PHYKPL: variants seen among roughly 807,000 people sequenced by gnomAD.
The protein encoded by PHYKPL is 5-phosphohydroxy-L-lysine phospho-lyase, also known as 5-phosphonooxy-L-lysine phospho-lyase.
In PHYKPL, 42 loss-of-function variants were observed where a neutral mutation model predicts 51.3. The observed-to-expected ratio is 0.82, with a 90% CI of 0.64 to 1.06. PHYKPL has a LOEUF of 1.06. Among genes scored for constraint, PHYKPL ranks in the 50% least tolerant of loss-of-function variants. The pLI is 0.00. For synonymous variants in PHYKPL, 264 were observed against 236.0 expected (o/e 1.12, Z -1.09); for missense variants, 655 against 586.6 (o/e 1.12, Z -1.20).
At chr5:178,209,379 A>G in intron 12 of PHYKPL, 2 of 1,614,192 alleles carry the variant, frequency 1.2e-6, no homozygotes, top group Non-Finnish European at 1.7e-6. Context: ...CAGCAGCAGT[A>G]TGGCTCTGGG....
rs1001605090 is a variant in PHYKPL at position 178,211,958 on chromosome 5, T to A, written c.1316A>T (p.Lys439Met). ...LDAILTDMEE[K>M]VRSCETLRLQ... is the part of the protein sequence containing the mutation. ...CCTCAGCGTTTCACAACTTCTCACC[T>A]TCTCTTCCATGTCTGAAAAAGACCA... Residue 439 changes from lysine (K) to methionine (M), a missense_variant, in exon 12 of 13, where the codon AAG (lysine) becomes ATG (methionine). Physicochemically the swap from Lys to Met is moderately conservative, Grantham distance 95. Transcript: ENST00000308158. The A allele has an allele frequency of 2.4e-5, 39 of 1,614,032 alleles. No homozygotes were observed. Among genetic ancestry groups the A allele is most frequent in the Non-Finnish European group, 3.1e-5 (37 of 1,179,998 alleles).
At chr5:178,211,217 A>AGG (rs1758249893) in intron 12 of PHYKPL, 1 of 100,928 alleles carries the variant, frequency 9.9e-6, no homozygotes, top group Admixed American at 1.1e-4. Context: ...GGGTCGAGGG[A>AGG]GGCGGGGGGG....
Position 178,229,766 on chromosome 5 carries a change from G to A in PHYKPL, c.338+174C>T, listed in dbSNP as rs1051152032. On this transcript the variant is annotated intron_variant, in intron 3 of 12. Transcript: ENST00000308158. ...TCCTTCAATAAGAGACAAGGAAACT[G>A]GATCCAACAGAGAAAGCATCAGGGC... 2.0e-5 allele frequency: 14 copies of A among 685,122 alleles called. No individual in the cohort carries two copies. The African/African-American group carries it at 2.5e-4, about 12-fold the overall frequency. 42.4% of individuals were successfully genotyped at this position (685,122 alleles called of 1,614,324 possible).
Position 178,231,396 on chromosome 5 carries a change from G to T in PHYKPL, c.178+9C>A. 6.2e-7 allele frequency: 1 copy of T among 1,614,192 alleles called. No homozygotes were observed. Among genetic ancestry groups the T allele is most frequent in the South Asian group, 1.1e-5 (1 of 91,086 alleles). On this transcript the variant is annotated intron_variant, in intron 2 of 12. Coordinates refer to ENST00000308158, the MANE Select transcript of PHYKPL (RefSeq NM_153373.4). ...CTCCTGCCCTGCCAGCCTGAGGTGT[G>T]ATACTGACCGTGCGCCACATTGCTG...
Position 178,210,813 on chromosome 5 carries a change from G to GTGGTGTC in PHYKPL, c.*31+1070_*31+1076dup, listed in dbSNP as rs772394722. On this transcript the variant is annotated intron_variant, in intron 12 of 12. Coordinates refer to ENST00000308158, the MANE Select transcript of PHYKPL (RefSeq NM_153373.4). Reference sequence around the variant, plus strand: ...AGAGCTCTAGGTGTTTAGGCAGCGTGTGGTGTCTGAGAGGCCATAGCGCCA... The same window carrying GTGGTGTC: ...AGAGCTCTAGGTGTTTAGGCAGCGTGTGGTGTCTGGTGTCTGAGAGGCCATAGCGCCA... The GTGGTGTC allele has an allele frequency of 1.3e-3, 774 of 610,414 alleles. 3 individuals are homozygous for GTGGTGTC. The highest frequency in any genetic ancestry group is 1.9e-3 in the Non-Finnish European group (661 of 339,626). The allele number at this position is 610,414 out of a possible 1,614,324, so 37.8% of individuals were successfully genotyped here.
chr5:178,229,110 T>C (rs1762873289), intron 3 of PHYKPL, among the ~76,000 whole-genome samples: 1 of 150,138 alleles, frequency 6.7e-6, no homozygotes, highest in Non-Finnish European at 1.5e-5. Context: ...ACTATTTTTT[T>C]TTTTTTTTTT....
chr5:178,207,207 T>G, downstream of PHYKPL: 1 of 1,614,206 alleles, frequency 6.2e-7, no homozygotes. Context: ...AAAAGTTCCA[T>G]ACTGTCAGTG....
At chr5:178,220,016 A>C (rs1760813716) in intron 8 of PHYKPL, among the ~76,000 whole-genome samples, 1 of 150,424 alleles carries the variant, frequency 6.6e-6, no homozygotes, top group African/African-American at 2.4e-5. Context: ...CAACATGGTG[A>C]AACTCCATCT....
At chr5:178,219,412 A>G (rs923690761) in intron 8 of PHYKPL, among the ~76,000 whole-genome samples, 2 of 150,804 alleles carry the variant, frequency 1.3e-5, no homozygotes, top group Non-Finnish European at 3.0e-5. Context: ...TAACTCAATA[A>G]AAAAAAAATG....
intron 3 of PHYKPL, among the ~76,000 whole-genome samples, chr5:178,227,024 G>C (rs543090033): frequency 6.6e-6 from 1 of 152,264 alleles, no homozygotes; most frequent in Non-Finnish European, 1.5e-5. Context: ...GATGCCCTGG[G>C]AGAGCGAGCC....
chr5:178,222,415 C>G lies in PHYKPL; in HGVS notation c.867G>C (p.Val289=). The G allele has an allele frequency of 1.2e-6, 2 of 1,614,256 alleles. No homozygotes were observed. Among genetic ancestry groups the G allele is most frequent in the South Asian group, 2.2e-5 (2 of 91,090 alleles). The change falls in exon 8 of 13, where the codon GTG becomes GTC. Residue 289 remains valine (V), a synonymous_variant. Coordinates refer to ENST00000308158, the MANE Select transcript of PHYKPL (RefSeq NM_153373.4). ...CCCTCGCCACAGGCTGGGTTGCGGCCACGCAGGCAACAGGGTGGCCGTTGC... is the reference window on the plus strand; with the variant it reads ...CCCTCGCCACAGGCTGGGTTGCGGCGACGCAGGCAACAGGGTGGCCGTTGC... ...SIGNGHPVAC[V]AATQPVARAF... is the part of the protein sequence containing the mutation.
In PHYKPL at chr5:178,222,353, A is replaced by G; in HGVS notation, c.927+2T>C. On this transcript the variant is annotated splice_donor_variant, in intron 8 of 12. Transcript: ENST00000308158. LOFTEE classifies it high-confidence loss of function. ...CTCCCTTGACTTAGAGCCATCACTC[A>G]CCGTGTTGAAGTACTCAACGCCGGT... 1 of 1,606,758 alleles carries G rather than the reference A, an allele frequency of 6.2e-7. No homozygotes were observed. The highest frequency in any genetic ancestry group is 8.5e-7 in the Non-Finnish European group (1 of 1,174,236).
intron 12 of PHYKPL, chr5:178,209,505 A>G (rs2113595247): frequency 6.8e-7 from 1 of 1,478,534 alleles, no homozygotes; most frequent in Non-Finnish European, 9.4e-7. Flanking sequence ...GAGCCTTCCA[A>G]GCCTGTCTTG....
intron 3 of PHYKPL, chr5:178,226,475 G>A (rs778901031): frequency 6.6e-6 from 1 of 152,138 alleles, no homozygotes; most frequent in African/African-American, 2.4e-5. Flanking sequence ...TACATTTACT[G>A]GTTTATTATA....
rs1173143605 is a variant in PHYKPL at position 178,231,525 on chromosome 5, TG to T, written c.60-3del. The T allele has an allele frequency of 6.2e-7, 1 of 1,614,110 alleles. No individual in the cohort carries two copies. Among genetic ancestry groups the T allele is most frequent in the Non-Finnish European group, 8.5e-7 (1 of 1,180,004 alleles). ...GGAAAAAAGAGTCTGCAGGAAGAGCTGTGGGGACAGGCAAGGAGTGGACAGC... is the reference window on the plus strand; with the variant it reads ...GGAAAAAAGAGTCTGCAGGAAGAGCTTGGGGACAGGCAAGGAGTGGACAGC... On this transcript the variant is annotated splice_region_variant and splice_polypyrimidine_tract_variant and intron_variant, in intron 1 of 12. Coordinates refer to ENST00000308158, the MANE Select transcript of PHYKPL (RefSeq NM_153373.4).
chr5:178,210,793 T>G (rs908439025), intron 12 of PHYKPL: 4 of 638,328 alleles, frequency 6.3e-6, no homozygotes, highest in Admixed American at 2.4e-5. Context: ...TTTCCAGAGC[T>G]CTAGGTGTTT....
chr5:178,214,918 C>T, intron 9 of PHYKPL, 33 bp from the exon 10 acceptor site: 1 of 1,599,174 alleles, frequency 6.3e-7, no homozygotes, highest in South Asian at 1.1e-5. Flanking sequence ...CTCAGGAGGC[C>T]AGGCCTGAGG....
chr5:178,214,123 G>C (rs1047921461), intron 10 of PHYKPL, among the ~76,000 whole-genome samples: 2 of 152,118 alleles, frequency 1.3e-5, no homozygotes, highest in African/African-American at 4.8e-5. Context: ...TCAATACCAC[G>C]CGTGTCTCAC....
At chr5:178,219,137 G>C (rs1760569715) in intron 8 of PHYKPL, among the ~76,000 whole-genome samples, 1 of 152,130 alleles carries the variant, frequency 6.6e-6, no homozygotes, top group African/African-American at 2.4e-5. Flanking sequence ...TTTATAACTT[G>C]GAGTAGGGAG....
Sources: allele counts gnomAD v4.1 joint callset (sites outside exome capture counted in the v4.1 genomes callset), GRCh38; gene constraint gnomAD v4.1.1; transcripts MANE v1.5; gene names NCBI Gene and HGNC (gene_info 2026-07-23, HGNC 2026-07-21).